ASCC2: variants seen among roughly 807,000 people sequenced by gnomAD.
ASCC2 encodes activating signal cointegrator 1 complex subunit 2, also known as ASC-1 complex subunit P100.
ASCC2 carries 42 observed loss-of-function variants against 93.5 expected under a neutral mutation model. That is an observed-to-expected ratio of 0.45 (90% CI 0.35 to 0.58). The LOEUF (loss-of-function observed/expected upper bound fraction) is 0.58. ASCC2 is among the 20% of genes least tolerant of loss of function. The probability of loss-of-function intolerance (pLI) is 0.00; values close to 1 mark genes in which losing one functional copy is unlikely to be tolerated. For synonymous variants in ASCC2, 364 were observed against 384.2 expected (o/e 0.95, Z 0.62); for missense variants, 859 against 977.6 (o/e 0.88, Z 1.62).
rs1569401995 is a variant in ASCC2, at chr22:29,813,570, T to C, written c.721-28A>G. On this transcript the variant is annotated intron_variant, in intron 7 of 19. Coordinates refer to ENST00000307790, the MANE Select transcript of ASCC2 (RefSeq NM_032204.5). ...GTTGCCAAAAGAATACACTGCATTA[T>C]TCTCCTCTGTCCACACATACAGATC... 2.8e-6 allele frequency: 4 copies of C among 1,445,918 alleles called. No individual in the cohort carries two copies. In the South Asian group the frequency reaches 4.6e-5, roughly 17 times the overall value. 89.6% of individuals were successfully genotyped at this position (1,445,918 alleles called of 1,614,324 possible).
At chr22:29,823,573 C>T (rs1051072057) in intron 4 of ASCC2, among the ~76,000 whole-genome samples, 2 of 152,090 alleles carry the variant, frequency 1.3e-5, no homozygotes, top group African/African-American at 4.8e-5. Context: ...TGTGGCCAGG[C>T]GCGATGGCTC....
intron 13 of ASCC2, 52 bp from the exon 14 acceptor site, chr22:29,802,260 G>C (rs934899994): frequency 6.4e-7 from 1 of 1,573,120 alleles, no homozygotes; most frequent in Non-Finnish European, 8.7e-7. Context: ...GCCGGTGATA[G>C]GGCCACAGGC....
chr22:29,806,261 G>A lies in ASCC2; in HGVS notation c.1115C>T (p.Pro372Leu), dbSNP rs1251810944. 3.1e-6 allele frequency: 5 copies of A among 1,614,150 alleles called. No individual in the cohort carries two copies. In the East Asian group the frequency reaches 1.1e-4, roughly 36 times the overall value. ...RFLRDYDALFPVAEDISLLQQ... is the reference protein window; with the variant it reads ...RFLRDYDALFLVAEDISLLQQ... ...CAGCAAGCTGATGTCTTCGGCCACG[G>A]GGAAGAGTGCATCATAGTCCCGGAG... Residue 372 changes from proline to leucine, a missense_variant, in exon 12 of 20, where the codon CCC becomes CTC. By Grantham distance (98) the Pro-to-Leu change is moderately conservative. Transcript: ENST00000307790.
intron 2 of ASCC2, among the ~76,000 whole-genome samples, chr22:29,831,408 TG>T: frequency 6.6e-6 from 1 of 152,318 alleles, no homozygotes; most frequent in Middle Eastern, 3.4e-3. Context: ...GGCTGTGATG[TG>T]GACTAAATGA....
Position 29,806,522 on chromosome 22 carries a change from A to T in ASCC2, c.1048T>A (p.Phe350Ile), listed in dbSNP as rs575852946. 5.6e-6 allele frequency: 9 copies of T among 1,613,878 alleles called. No individual in the cohort carries two copies. In the East Asian group the frequency reaches 1.8e-4, roughly 32 times the overall value. The change falls in exon 11 of 20, where the codon TTC (phenylalanine) becomes ATC (isoleucine). Residue 350 changes from phenylalanine (F) to isoleucine (I), a missense_variant. By Grantham distance (21) the Phe-to-Ile change is conservative. Transcript: ENST00000307790. ...CDNIQGFIEE[F>I]LQIFSSLLQE... The stretch of plus-strand genomic sequence containing the variant: ...AGCAAGGAGCTGAAGATCTGAAGGA[A>T]CTCTTCGATGAAGCCCTGAATGTTG...
intron 5 of ASCC2, among the ~76,000 whole-genome samples, chr22:29,819,383 A>C (rs1764544357): frequency 6.6e-6 from 1 of 152,076 alleles, no homozygotes. Context: ...GCTGGTCTCA[A>C]ACTCCTGACC....
chr22:29,807,031 G>C, intron 9 of ASCC2, 127 bp from the exon 10 acceptor site: 1 of 675,182 alleles, frequency 1.5e-6, no homozygotes, highest in Non-Finnish European at 2.5e-6. Flanking sequence ...TTGAGCCCCA[G>C]GAGTTTGAGA....
Position 29,818,297 on chromosome 22 carries a change from G to GTA in ASCC2, c.542-2226_542-2225dup, listed in dbSNP as rs1033857171. On this transcript the variant is annotated intron_variant, in intron 5 of 19. Coordinates refer to ENST00000307790, the MANE Select transcript of ASCC2 (RefSeq NM_032204.5). ...CAAAGGTTAAAAAGAGAGCTGCTGT[G>GTA]TATGTGTGTGTGAGAGAGACAGACA... is the stretch of plus-strand genomic sequence containing the variant. Among the ~76,000 whole-genome samples, 6 of 151,914 alleles carry GTA rather than the reference G, an allele frequency of 3.9e-5. 1 individual carries two copies. Among genetic ancestry groups the GTA allele is most frequent in the African/African-American group, 1.5e-4 (6 of 41,302 alleles).
chr22:29,806,005 T>C (rs531123822), intron 12 of ASCC2, among the ~76,000 whole-genome samples: 10 of 151,904 alleles, frequency 6.6e-5, no homozygotes, highest in East Asian at 1.9e-4. Context: ...AGACGGAAAA[T>C]AGCACTGCAT....
chr22:29,802,294 T>G, intron 13 of ASCC2, 86 bp from the exon 14 acceptor site: 1 of 1,360,852 alleles, frequency 7.3e-7, no homozygotes, highest in South Asian at 1.3e-5. Flanking sequence ...GGACTAGGCA[T>G]CAGGGATCTG....
chr22:29,825,456 A>T lies in ASCC2; in HGVS notation c.240+166T>A. ...ACACTTTGAAAGGTGTGTAAACATT[A>T]AGATTGTGATACAAGACAGAGCAAT... On this transcript the variant is annotated intron_variant, in intron 3 of 19. Coordinates refer to ENST00000307790, the MANE Select transcript of ASCC2 (RefSeq NM_032204.5). The surrounding 1 kb of genome is among the most constrained non-coding windows in gnomAD (Gnocchi z 4.9). 1.7e-6 allele frequency: 2 copies of T among 1,166,148 alleles called. No homozygotes were observed. The highest frequency in any genetic ancestry group is 2.4e-6 in the Non-Finnish European group (2 of 821,290). The allele number at this position is 1,166,148 out of a possible 1,614,324, so 72.2% of individuals were successfully genotyped here.
At chr22:29,810,427 T>C (rs1175804394) in intron 8 of ASCC2, 2 of 152,240 alleles carry the variant, frequency 1.3e-5, no homozygotes, top group African/African-American at 2.4e-5. Context: ...TGGCAATGTC[T>C]ATCCTACTAC....
intron 9 of ASCC2, 54 bp downstream of exon 9, chr22:29,808,057 C>G: frequency 6.3e-7 from 1 of 1,589,834 alleles, no homozygotes; most frequent in Non-Finnish European, 8.6e-7. Context: ...AGGCAGGGCC[C>G]TGCTCGGGCC....
At chr22:29,835,628 T>G (rs1044501782) in intron 1 of ASCC2, among the ~76,000 whole-genome samples, 1 of 152,104 alleles carries the variant, frequency 6.6e-6, no homozygotes, top group Non-Finnish European at 1.5e-5. Flanking sequence ...AATACCAGAA[T>G]TGTAATAGTA....
In ASCC2 at chr22:29,802,169, C is replaced by A. The variant is rs1346546701; in HGVS notation, c.1393G>T (p.Gly465Trp). ...GAGATGAGAGAGTCCAGTTCCACCCCACACATGGCAGGGCCCACAGCCGCG... is the reference window on the plus strand; with the variant it reads ...GAGATGAGAGAGTCCAGTTCCACCCAACACATGGCAGGGCCCACAGCCGCG... ...AAAAVGPAMC[G>W]VELDSLISQV... Residue 465 changes from glycine to tryptophan, a missense_variant, in exon 14 of 20, where the codon GGG becomes TGG. Physicochemically the swap from Gly to Trp is radical, Grantham distance 184 (BLOSUM62 -2). Coordinates refer to ENST00000307790, the MANE Select transcript of ASCC2 (RefSeq NM_032204.5). 7.4e-6 allele frequency: 12 copies of A among 1,614,068 alleles called. No individual in the cohort carries two copies. Among genetic ancestry groups the A allele is most frequent in the South Asian group, 2.2e-5 (2 of 91,090 alleles).
At chr22:29,803,263 C>CA in intron 13 of ASCC2, among the ~76,000 whole-genome samples, 1 of 136,186 alleles carries the variant, frequency 7.3e-6, no homozygotes, top group African/African-American at 2.8e-5. Context: ...AAAAAAAAAA[C>CA]AAAAAACAAA....
At chr22:29,792,291 TG>T (rs1341849838) in intron 18 of ASCC2, 141 bp downstream of exon 18, 1 of 1,445,380 alleles carries the variant, frequency 6.9e-7, no homozygotes, top group Non-Finnish European at 9.2e-7. Flanking sequence ...GCAGACATCC[TG>T]GGCTCAAAGG....
rs1470310783 is a variant in ASCC2 at position 29,825,016 on chromosome 22, C to G, written c.411+71G>C. The G allele has an allele frequency of 7.8e-7, 1 of 1,278,280 alleles. No individual in the cohort carries two copies. The allele number at this position is 1,278,280 out of a possible 1,614,324, so 79.2% of individuals were successfully genotyped here. On this transcript the variant is annotated intron_variant, in intron 4 of 19. Transcript: ENST00000307790. This position sits in a 1 kb window ranked among gnomAD's most constrained non-coding sequence, Gnocchi z 4.9. The stretch of plus-strand genomic sequence containing the variant: ...CTCAATGCTTCCAGAGCCTTCCTTC[C>G]CAGGGGTGGAGAGCCCGGCACAGAG...
intron 4 of ASCC2, among the ~76,000 whole-genome samples, chr22:29,824,218 A>G (rs1033318156): frequency 5.9e-5 from 9 of 151,288 alleles, no homozygotes; most frequent in Non-Finnish European, 1.0e-4. Context: ...TGTCCATATT[A>G]TAACACTTTT....
Sources: allele counts gnomAD v4.1 joint callset (sites outside exome capture counted in the v4.1 genomes callset), GRCh38; gene constraint gnomAD v4.1.1; non-coding constraint Gnocchi (gnomAD v3.1); transcripts MANE v1.5; gene names NCBI Gene and HGNC (gene_info 2026-07-23, HGNC 2026-07-21).